The following FBXW11 variants were observed in gnomAD, a reference collection of about 807,000 sequenced individuals.
The protein encoded by FBXW11 is F-box/WD repeat-containing protein 11.
In FBXW11, 19 loss-of-function variants were observed where a neutral mutation model predicts 77.6. That is an observed-to-expected ratio of 0.24 (90% CI 0.17 to 0.36). The LOEUF (loss-of-function observed/expected upper bound fraction) is 0.36, where lower values mean the gene tolerates loss of function less well. Ranked by LOEUF, FBXW11 falls within the 10% of genes least tolerant of loss-of-function variation. The pLI, the probability that FBXW11 is intolerant of heterozygous loss-of-function variation, is 1.00. For missense variants in FBXW11, 334 were observed against 704.2 expected, an observed-to-expected ratio of 0.47 and a Z score of 5.95; for synonymous variants, 235 against 249.4, an observed-to-expected ratio of 0.94 and a Z score of 0.54.
At chr5:171,969,485 T>A (rs1383089649) in intron 1 of FBXW11, among the ~76,000 whole-genome samples, 2 of 152,216 alleles carry the variant, frequency 1.3e-5, no homozygotes, top group Admixed American at 1.3e-4. Flanking sequence ...TTAAAAAAGT[T>A]TACTAAACAT....
chr5:171,865,678 T>C (rs568602554), intron 13 of FBXW11, among the ~76,000 whole-genome samples: 2 of 152,338 alleles, frequency 1.3e-5, no homozygotes, highest in African/African-American at 4.8e-5. Flanking sequence ...TTATCTACTT[T>C]TTCAAATTTC....
rs545050008 is a variant in FBXW11 at position 171,964,453 on chromosome 5, G to C, written c.46-6755C>G. ...ACATAACTCCAGCTCTCTAAACCTA[G>C]ACTTGACAGCTAGAGTCCCCATTCA... On this transcript the variant is annotated intron_variant, in intron 1 of 13. Coordinates refer to ENST00000517395, the MANE Select transcript of FBXW11 (RefSeq NM_001378974.1). Among the ~76,000 whole-genome samples the C allele has an allele frequency of 5.9e-5, 9 of 152,340 alleles. No individual in the cohort carries two copies. The South Asian group carries it at 1.7e-3, about 28-fold the overall frequency.
intron 4 of FBXW11, among the ~76,000 whole-genome samples, chr5:171,905,159 T>A (rs565531940): frequency 2.6e-4 from 39 of 152,224 alleles, no homozygotes; most frequent in Non-Finnish European, 4.4e-4. Flanking sequence ...CAGCATGTTT[T>A]AGTCTTGTGA....
At chr5:171,997,118 A>T in intron 1 of FBXW11, 1 of 1,241,692 alleles carries the variant, frequency 8.1e-7, no homozygotes, top group Non-Finnish European at 1.1e-6. Context: ...AGCCTCCAAG[A>T]AATGGAAGGA....
chr5:171,943,718 C>T (rs1762862041), intron 2 of FBXW11, among the ~76,000 whole-genome samples: 1 of 152,052 alleles, frequency 6.6e-6, no homozygotes, highest in South Asian at 2.1e-4. Flanking sequence ...CAAAGTGCTG[C>T]GATAACAGGC....
In FBXW11 at chr5:171,904,308, T is replaced by A. The variant is rs1010030713; in HGVS notation, c.437-4208A>T. 2.0e-5 allele frequency among the ~76,000 whole-genome samples: 3 copies of A among 151,666 alleles called. No homozygotes were observed. The highest frequency in any genetic ancestry group is 4.8e-5 in the African/African-American group (2 of 41,242). On this transcript the variant is annotated intron_variant, in intron 4 of 13. Transcript: ENST00000517395. This position sits in a 1 kb window ranked among gnomAD's most constrained non-coding sequence, Gnocchi z 4.0. ...AGACTCTGTCTTTTTTTAAAAAAAATAAAAAATAAAAAGAATGCATTAGAT... is the reference window on the plus strand; with the variant it reads ...AGACTCTGTCTTTTTTTAAAAAAAAAAAAAAATAAAAAGAATGCATTAGAT...
At position 171,915,613 on chromosome 5, in the gene FBXW11, C is replaced by CTGTGTGTGTGTGTGTGTGTGTGTGTGTG. The variant is rs200618306; in HGVS notation, c.148-1236_148-1209dup. ...TGGATTCCTGATTTGGTCACTCATT[C>CTGTGTGTGTGTGTGTGTGTGTGTGTGTG]TGTGTGTGTGTGTGTGTGTGTGTGT... On this transcript the variant is annotated intron_variant, in intron 2 of 13. Coordinates refer to ENST00000517395, the MANE Select transcript of FBXW11 (RefSeq NM_001378974.1). Among the ~76,000 whole-genome samples, 106 of 129,608 alleles carry CTGTGTGTGTGTGTGTGTGTGTGTGTGTG rather than the reference C, an allele frequency of 8.2e-4. 1 individual carries two copies. The highest frequency in any genetic ancestry group is 1.8e-3 in the East Asian group (7 of 3,850). The allele number at this position is 129,608 out of a possible 152,430, so 85.0% of individuals were successfully genotyped here. A position where few individuals can be genotyped will look rare whatever the true frequency, so the allele number is the denominator to read the frequency against.
chr5:171,923,059 C>T (rs1761688133), intron 2 of FBXW11, among the ~76,000 whole-genome samples: 1 of 152,048 alleles, frequency 6.6e-6, no homozygotes, highest in African/African-American at 2.4e-5. Context: ...GGACTACAGG[C>T]GTGCACCACC....
intron 4 of FBXW11, among the ~76,000 whole-genome samples, chr5:171,905,530 T>C (rs1273570281): frequency 1.3e-5 from 2 of 151,462 alleles, no homozygotes; most frequent in Non-Finnish European, 2.9e-5. Flanking sequence ...CGATACACAA[T>C]ATTCTTCTTG....
At chr5:171,933,579 G>A (rs1439763614) in intron 2 of FBXW11, among the ~76,000 whole-genome samples, 2 of 152,154 alleles carry the variant, frequency 1.3e-5, no homozygotes, top group African/African-American at 2.4e-5. Flanking sequence ...CACATTGTAA[G>A]AGGTTGTGTG....
intron 13 of FBXW11, among the ~76,000 whole-genome samples, chr5:171,865,259 G>A (rs1345099417): frequency 6.7e-6 from 1 of 150,332 alleles, no homozygotes; most frequent in East Asian, 1.9e-4. Flanking sequence ...ATACGCACAT[G>A]TACCCTAGAA....
At chr5:171,917,827 ATT>A (rs1363846120) in intron 2 of FBXW11, among the ~76,000 whole-genome samples, 2 of 151,108 alleles carry the variant, frequency 1.3e-5, no homozygotes, top group African/African-American at 4.9e-5. Context: ...TCAGAGATAT[ATT>A]TTATATATAT....
intron 1 of FBXW11, among the ~76,000 whole-genome samples, chr5:171,978,126 T>C (rs2113470806): frequency 6.6e-6 from 1 of 151,846 alleles, no homozygotes; most frequent in Middle Eastern, 3.4e-3. Context: ...GAACAAATTA[T>C]AATGCTTGTT....
intron 2 of FBXW11, among the ~76,000 whole-genome samples, chr5:171,938,858 T>C (rs544693831): frequency 5.9e-5 from 9 of 152,296 alleles, no homozygotes; most frequent in East Asian, 3.9e-4. Flanking sequence ...TTGACTGATA[T>C]AGAATAACTT....
intron 1 of FBXW11, among the ~76,000 whole-genome samples, chr5:172,005,197 T>C (rs1283380455): frequency 6.6e-6 from 1 of 152,198 alleles, no homozygotes; most frequent in African/African-American, 2.4e-5. Context: ...ATAAACATTT[T>C]CACACTGAAG....
At chr5:171,985,996 T>C (rs1476180311) in intron 1 of FBXW11, among the ~76,000 whole-genome samples, 1 of 152,136 alleles carries the variant, frequency 6.6e-6, no homozygotes, top group Non-Finnish European at 1.5e-5. Context: ...AAAGTGAAAT[T>C]GGTCTCATAG....
intron 10 of FBXW11, among the ~76,000 whole-genome samples, chr5:171,872,111 T>G (rs1293895891): frequency 6.6e-6 from 1 of 152,236 alleles, no homozygotes; most frequent in Non-Finnish European, 1.5e-5. Flanking sequence ...TTAATAATCT[T>G]AAACCCAATC....
intron 2 of FBXW11, among the ~76,000 whole-genome samples, chr5:171,933,818 A>G (rs1037647938): frequency 4.6e-5 from 7 of 152,222 alleles, no homozygotes; most frequent in Non-Finnish European, 8.8e-5. Flanking sequence ...TCTGTCTCAA[A>G]AAAATGTAGA....
chr5:171,991,744 G>A (rs1184141858), intron 1 of FBXW11, among the ~76,000 whole-genome samples: 1 of 152,198 alleles, frequency 6.6e-6, no homozygotes, highest in African/African-American at 2.4e-5. Context: ...CAGTAGAAGA[G>A]AAAGTCACAA....
Sources: allele counts gnomAD v4.1 joint callset (sites outside exome capture counted in the v4.1 genomes callset), GRCh38; gene constraint gnomAD v4.1.1; non-coding constraint Gnocchi (gnomAD v3.1); transcripts MANE v1.5; gene names NCBI Gene and HGNC (gene_info 2026-07-23, HGNC 2026-07-21).